AHSA1: variants seen among roughly 807,000 people sequenced by gnomAD.
AHSA1 encodes the protein activator of 90 kDa heat shock protein ATPase homolog 1.
Under a neutral mutation model 46.1 loss-of-function variants are expected in AHSA1, and 14 were observed. The ratio of observed to expected loss-of-function variants is 0.30; its 90% CI spans 0.20 to 0.47. The LOEUF is 0.47. Ranked by LOEUF, AHSA1 falls within the 20% of genes least tolerant of loss-of-function variation. The pLI, the probability that AHSA1 is intolerant of heterozygous loss-of-function variation, is 0.99. For missense variants in AHSA1, 333 were observed against 415.9 expected (o/e 0.80, Z 1.73); for synonymous variants, 147 against 145.8 (o/e 1.01, Z -0.06).
At chr14:77,465,130 GTGGTTCAAGCTCAGCACT>G (rs1464061035) in intron 5 of AHSA1, among the ~76,000 whole-genome samples, 1 of 152,220 alleles carries the variant, frequency 6.6e-6, no homozygotes, top group Non-Finnish European at 1.5e-5. Context: ...ATGGAAGTTT[GTGGTTCAAGCTCAGCACT>G]TGGTTTAGAG....
chr14:77,467,529 TA>T (rs1173062493), intron 6 of AHSA1, among the ~76,000 whole-genome samples: 5 of 146,930 alleles, frequency 3.4e-5, no homozygotes, highest in Non-Finnish European at 4.5e-5. Context: ...CCATCTCTAC[TA>T]AAAAATACAA....
chr14:77,459,670 G>A lies in AHSA1; in HGVS notation c.135G>A (p.Leu45=), dbSNP rs748053747. The A allele has an allele frequency of 9.9e-6, 16 of 1,614,096 alleles. No individual in the cohort carries two copies. The highest frequency in any genetic ancestry group is 1.4e-5 in the Non-Finnish European group (16 of 1,180,052). Residue 45 remains leucine, a synonymous_variant, in exon 2 of 9, where the codon CTG becomes CTA. Transcript: ENST00000216479. ...WSTDKLKTLF[L]AVQVQNEEGK... ...CGGATAAGCTGAAAACACTGTTCCTGGCAGTGCAGGTTCAAAATGAAGAAG... is the reference window on the plus strand; with the variant it reads ...CGGATAAGCTGAAAACACTGTTCCTAGCAGTGCAGGTTCAAAATGAAGAAG...
rs185613930 is a variant in AHSA1, at chr14:77,458,342, C to G, written c.80+73C>G. On this transcript the variant is annotated intron_variant, in intron 1 of 8. Coordinates refer to ENST00000216479, the MANE Select transcript of AHSA1 (RefSeq NM_012111.3). ...CAGGGTTTCAGGGTTCCTAGAACCT[C>G]GGCCCGGACAGAGCTGGGGCTGAGG... is the stretch of plus-strand genomic sequence containing the variant. 202 of 1,471,986 alleles carry G rather than the reference C, an allele frequency of 1.4e-4. 1 individual carries two copies. In the African/African-American group the frequency reaches 2.1e-3, roughly 16 times the overall value. The allele number at this position is 1,471,986 out of a possible 1,614,324, so 91.2% of individuals were successfully genotyped here.
chr14:77,468,079 G>A lies in AHSA1; in HGVS notation c.691-4G>A, dbSNP rs1195262796. 43 of 840,698 alleles carry A rather than the reference G, an allele frequency of 5.1e-5. No homozygotes were observed. The highest frequency in any genetic ancestry group is 7.1e-5 in the Non-Finnish European group (42 of 589,612). 52.1% of individuals were successfully genotyped at this position (840,698 alleles called of 1,614,324 possible). A position where few individuals can be genotyped will look rare whatever the true frequency, so the allele number is the denominator to read the frequency against. On this transcript the variant is annotated splice_region_variant and splice_polypyrimidine_tract_variant and intron_variant, in intron 6 of 8. Transcript: ENST00000216479. ...TTTTTTTTTTTTTTTTTTTTTCCCT[G>A]CAGCTGGTGCAGGCCTTTACCCATG...
Position 77,462,202 on chromosome 14 carries a change from T to C in AHSA1, c.314T>C (p.Ile105Thr). 1 of 1,613,844 alleles carries C rather than the reference T, an allele frequency of 6.2e-7. No individual in the cohort carries two copies. The highest frequency in any genetic ancestry group is 8.5e-7 in the Non-Finnish European group (1 of 1,179,750). ...GTACAATACAAAGGACATGTGGAGA[T>C]CCCCAATTTGTCTGATGAAAACAGC... ...SGVQYKGHVEIPNLSDENSVD... is the reference protein window; with the variant it reads ...SGVQYKGHVETPNLSDENSVD... The change falls in exon 3 of 9, where the codon ATC (isoleucine) becomes ACC (threonine). Residue 105 changes from isoleucine to threonine, a missense_variant. Coordinates refer to ENST00000216479, the MANE Select transcript of AHSA1 (RefSeq NM_012111.3).
chr14:77,467,816 A>T (rs774537835), intron 6 of AHSA1, among the ~76,000 whole-genome samples: 1 of 152,382 alleles, frequency 6.6e-6, no homozygotes, highest in African/African-American at 2.4e-5. Flanking sequence ...GCTCATTCTT[A>T]TATCTTTCTG....
chr14:77,464,035 G>C (rs550755937), intron 4 of AHSA1, among the ~76,000 whole-genome samples: 1 of 152,370 alleles, frequency 6.6e-6, no homozygotes, highest in South Asian at 2.1e-4. Flanking sequence ...GACCTCACAT[G>C]CACTTAATAT....
intron 2 of AHSA1, 87 bp from the exon 3 acceptor site, chr14:77,462,073 A>T: frequency 5.4e-6 from 5 of 933,792 alleles, no homozygotes; most frequent in Non-Finnish European, 8.5e-6. Flanking sequence ...ATCCAAAAGC[A>T]GCAGAAGTGA....
intron 6 of AHSA1, among the ~76,000 whole-genome samples, chr14:77,467,564 T>C (rs1323878354): frequency 1.3e-5 from 2 of 152,160 alleles, no homozygotes; most frequent in Non-Finnish European, 2.9e-5. Flanking sequence ...CATGGTGGCA[T>C]GCGCCTGTAA....
chr14:77,459,496 G>T, intron 1 of AHSA1, 120 bp from the exon 2 acceptor site: 1 of 954,810 alleles, frequency 1.0e-6, no homozygotes. Flanking sequence ...GAGTGCGACT[G>T]GGAGTTTTTG....
At chr14:77,464,710 A>G (rs1247766953) in intron 5 of AHSA1, 24 bp downstream of exon 5, 2 of 1,602,926 alleles carry the variant, frequency 1.2e-6, no homozygotes, top group Admixed American at 1.7e-5. Flanking sequence ...CTGGGGTGGG[A>G]GACTGTCTGC....
chr14:77,465,142 C>T (rs1290084280), intron 5 of AHSA1, among the ~76,000 whole-genome samples: 1 of 152,208 alleles, frequency 6.6e-6, no homozygotes, highest in Non-Finnish European at 1.5e-5. Context: ...GGTTCAAGCT[C>T]AGCACTTGGT....
intron 1 of AHSA1, 54 bp from the exon 2 acceptor site, chr14:77,459,562 A>G: frequency 6.3e-7 from 1 of 1,580,328 alleles, no homozygotes; most frequent in South Asian, 1.1e-5. Flanking sequence ...TCTTGCATAG[A>G]GCAGCGTATC....
At chr14:77,461,312 C>T (rs1302535061) in intron 2 of AHSA1, among the ~76,000 whole-genome samples, 15 of 152,124 alleles carry the variant, frequency 9.9e-5, no homozygotes, top group Non-Finnish European at 1.3e-4. Context: ...AGGTGGATCA[C>T]GAGGTCAGGA....
rs150175578 is a variant in AHSA1, at chr14:77,468,049, C to CTTTTTTTTTTTTT, written c.691-33_691-32insTTTTTTTTTTTTT. The CTTTTTTTTTTTTT allele has an allele frequency of 1.5e-5, 11 of 723,822 alleles. 4 individuals carry two copies. The highest frequency in any genetic ancestry group is 1.5e-4 in the Admixed American group (4 of 26,650). 44.8% of individuals were successfully genotyped at this position (723,822 alleles called of 1,614,324 possible). On this transcript the variant is annotated intron_variant, in intron 6 of 8. Coordinates refer to ENST00000216479, the MANE Select transcript of AHSA1 (RefSeq NM_012111.3). ...CCACTGAAAGCCATGTATCTTCTGC[C>CTTTTTTTTTTTTT]TCTTTTTTTTTTTTTTTTTTTTTTT... is the stretch of plus-strand genomic sequence containing the variant.
At chr14:77,467,929 CAG>C (rs2079054482) in intron 6 of AHSA1, among the ~76,000 whole-genome samples, 152 bp from the exon 7 acceptor site, 1 of 151,904 alleles carries the variant, frequency 6.6e-6, no homozygotes, top group Admixed American at 6.6e-5. Context: ...GGTATTAAAA[CAG>C]AATAGAGGGA....
chr14:77,464,188 C>T (rs138279943), intron 4 of AHSA1, among the ~76,000 whole-genome samples: 2 of 152,034 alleles, frequency 1.3e-5, no homozygotes, highest in South Asian at 4.2e-4. Flanking sequence ...ACCATCCTGG[C>T]CAACATGGTG....
chr14:77,463,862 T>TG (rs1482969944), intron 4 of AHSA1, among the ~76,000 whole-genome samples: 1 of 152,206 alleles, frequency 6.6e-6, no homozygotes, highest in East Asian at 1.9e-4. Context: ...GACACCTTTT[T>TG]GGGGAGGACC....
chr14:77,469,296 C>G lies in AHSA1; in HGVS notation c.*47C>G, dbSNP rs776423643. The G allele has an allele frequency of 3.1e-6, 5 of 1,590,482 alleles. No individual in the cohort carries two copies. Among genetic ancestry groups the G allele is most frequent in the Admixed American group, 3.5e-5 (2 of 57,402 alleles). ...GCCTGCTGGACACTTCAGTCCAGCTCTCTCCTGACTGGGGCTTGCGACTCA... is the reference window on the plus strand; with the variant it reads ...GCCTGCTGGACACTTCAGTCCAGCTGTCTCCTGACTGGGGCTTGCGACTCA... On this transcript the variant is annotated 3_prime_UTR_variant, in exon 9 of 9. Coordinates refer to ENST00000216479, the MANE Select transcript of AHSA1 (RefSeq NM_012111.3).
Sources: allele counts gnomAD v4.1 joint callset (sites outside exome capture counted in the v4.1 genomes callset), GRCh38; gene constraint gnomAD v4.1.1; transcripts MANE v1.5; gene names NCBI Gene and HGNC (gene_info 2026-07-23, HGNC 2026-07-21).